The following MEAK7 variants were observed in gnomAD, a reference collection of about 807,000 sequenced individuals.
The protein encoded by MEAK7 is MTOR-associated protein MEAK7.
Under a neutral mutation model 40.5 loss-of-function variants are expected in MEAK7, and 68 were observed. That is an observed-to-expected ratio of 1.68 (90% CI 1.38 to 2.06). MEAK7 has a LOEUF of 2.06. MEAK7 is among the 30% of genes most tolerant of loss of function. The pLI is 0.00. For synonymous variants in MEAK7, 338 were observed against 231.9 expected, an observed-to-expected ratio of 1.46 and a Z score of -4.16; for missense variants, 918 against 580.5, an observed-to-expected ratio of 1.58 and a Z score of -5.98.
At chr16:84,503,512 G>T (rs1354313276) in intron 1 of MEAK7, among the ~76,000 whole-genome samples, 7 of 152,002 alleles carry the variant, frequency 4.6e-5, no homozygotes. Context: ...CCATTGCTGT[G>T]GTCCCTATAC....
In MEAK7 at chr16:84,479,421, G is replaced by GGGGGTCT. The variant is rs1567482452; in HGVS notation, c.*491_*492insAGACCCC. On this transcript the variant is annotated 3_prime_UTR_variant, in exon 8 of 8. Coordinates refer to ENST00000343629, the MANE Select transcript of MEAK7 (RefSeq NM_020947.4). ...GCCAGCGGAATTCCCTAATGCCAGC[G>GGGGGTCT]GAATTCCCTAATGCCAGCGGAATTC... 6 of 148,870 alleles carry GGGGGTCT rather than the reference G, an allele frequency of 4.0e-5. 1 individual carries two copies. Among genetic ancestry groups the GGGGGTCT allele is most frequent in the South Asian group, 2.2e-4 (1 of 4,608 alleles). The allele number at this position is 148,870 out of a possible 1,614,324, so 9.2% of individuals were successfully genotyped here. A position where few individuals can be genotyped will look rare whatever the true frequency, so the allele number is the denominator to read the frequency against.
rs1045057017 is a variant in MEAK7, at chr16:84,477,849, A to C, written c.*2064T>G. Reference sequence around the variant, plus strand: ...AAGAGAAGCCCACAGAGAGAGCTGCATCCCCCAGGCTCCCAAGCCCGGGCC... The same window carrying C: ...AAGAGAAGCCCACAGAGAGAGCTGCCTCCCCCAGGCTCCCAAGCCCGGGCC... On this transcript the variant is annotated 3_prime_UTR_variant, in exon 8 of 8. Transcript: ENST00000343629. The C allele has an allele frequency of 1.3e-5, 2 of 152,178 alleles. No individual in the cohort carries two copies. The highest frequency in any genetic ancestry group is 4.8e-5 in the African/African-American group (2 of 41,430). The allele number at this position is 152,178 out of a possible 1,614,324, so 9.4% of individuals were successfully genotyped here.
At chr16:84,500,613 G>A (rs538474745) in intron 1 of MEAK7, among the ~76,000 whole-genome samples, 3 of 152,262 alleles carry the variant, frequency 2.0e-5, no homozygotes, top group East Asian at 1.9e-4. Flanking sequence ...GGGCTTACCC[G>A]ACCCCGTTTG....
chr16:84,480,790 G>C (rs575649162), intron 6 of MEAK7, 82 bp from the exon 7 acceptor site: 1 of 1,462,022 alleles, frequency 6.8e-7, no homozygotes, highest in East Asian at 2.5e-5. Context: ...CCAGCCTCTC[G>C]CCTTAAGTAC....
intron 1 of MEAK7, among the ~76,000 whole-genome samples, chr16:84,501,614 G>C (rs1237029617): frequency 1.3e-5 from 2 of 152,136 alleles, no homozygotes; most frequent in Non-Finnish European, 2.9e-5. Context: ...GAAAGGCTTG[G>C]ACGCAGAGCC....
At chr16:84,487,102 A>C (rs1383380378) in intron 4 of MEAK7, 43 bp from the exon 5 acceptor site, 1 of 1,561,386 alleles carries the variant, frequency 6.4e-7, no homozygotes, top group African/African-American at 1.4e-5. Flanking sequence ...CTGTTATGTC[A>C]CCATTTAGCT....
At chr16:84,491,407 C>A (rs181075715) in intron 3 of MEAK7, among the ~76,000 whole-genome samples, 65,017 of 151,638 alleles carry the variant, frequency 0.43, 14,619 homozygotes, top group South Asian at 0.6. Context: ...GGTATGGTGA[C>A]ACACACCTGT....
rs1912118125 is a variant in MEAK7 at position 84,476,490 on chromosome 16, A to T, written c.*3423T>A. ...TCTAAATAAAAGGCATATACCTCTCAATCCAACAATTCCAATTCTAAGAGT... is the reference window on the plus strand; with the variant it reads ...TCTAAATAAAAGGCATATACCTCTCTATCCAACAATTCCAATTCTAAGAGT... On this transcript the variant is annotated 3_prime_UTR_variant, in exon 8 of 8. Coordinates refer to ENST00000343629, the MANE Select transcript of MEAK7 (RefSeq NM_020947.4). 6.6e-6 allele frequency: 1 copy of T among 152,128 alleles called. No individual in the cohort carries two copies. The highest frequency in any genetic ancestry group is 6.6e-5 in the Admixed American group (1 of 15,266). 9.4% of individuals were successfully genotyped at this position (152,128 alleles called of 1,614,324 possible). A position where few individuals can be genotyped will look rare whatever the true frequency, so the allele number is the denominator to read the frequency against.
At chr16:84,480,766 T>C in intron 6 of MEAK7, 58 bp from the exon 7 acceptor site, 1 of 1,521,344 alleles carries the variant, frequency 6.6e-7, no homozygotes, top group South Asian at 1.3e-5. Context: ...TCTGTGGACA[T>C]CAAATACCAC....
chr16:84,486,941 C>T lies in MEAK7; in HGVS notation c.648G>A (p.Lys216=). The T allele has an allele frequency of 6.2e-7, 1 of 1,614,174 alleles. No individual in the cohort carries two copies. Among genetic ancestry groups the T allele is most frequent in the Non-Finnish European group, 8.5e-7 (1 of 1,180,034 alleles). The change falls in exon 5 of 8, where the codon AAG becomes AAA. Residue 216 remains lysine, a synonymous_variant. Coordinates refer to ENST00000343629, the MANE Select transcript of MEAK7 (RefSeq NM_020947.4). ...VAIFLSVVIC[K]GFLILCSSLD... ...GAGACGAGCACAGGATGAGAAAGCCCTTGCAAATGACCACACTCAGGAATA... is the reference window on the plus strand; with the variant it reads ...GAGACGAGCACAGGATGAGAAAGCCTTTGCAAATGACCACACTCAGGAATA...
At chr16:84,501,556 G>A (rs380010) in intron 1 of MEAK7, among the ~76,000 whole-genome samples, 1 of 151,948 alleles carries the variant, frequency 6.6e-6, no homozygotes, top group African/African-American at 2.4e-5. Context: ...CAGGAACCCA[G>A]AAATGCACAG....
rs768124501 is a variant in MEAK7, at chr16:84,495,883, T to C, written c.184A>G (p.Met62Val). 3.1e-6 allele frequency: 5 copies of C among 1,614,032 alleles called. No homozygotes were observed. In the African/African-American group the frequency reaches 4.0e-5, roughly 13 times the overall value. The change falls in exon 3 of 8, where the codon ATG (methionine) becomes GTG (valine). Residue 62 changes from methionine to valine, a missense_variant. Transcript: ENST00000343629. Reference protein sequence around the residue: ...NHVGEALPPEMVTRLYDGMRR... With the variant: ...NHVGEALPPEVVTRLYDGMRR... ...ATGCCATCATACAGCCTGGTGACCATCTCTGGGGGAAGAGCTTCCCCGACG... is the reference window on the plus strand; with the variant it reads ...ATGCCATCATACAGCCTGGTGACCACCTCTGGGGGAAGAGCTTCCCCGACG...
At chr16:84,486,352 T>C in intron 5 of MEAK7, 1 of 917,906 alleles carries the variant, frequency 1.1e-6, no homozygotes, top group Non-Finnish European at 1.4e-6. Flanking sequence ...CGGAGGCATC[T>C]GTGGCTTGAC....
In MEAK7 at chr16:84,492,030, T is replaced by C. The variant is rs145409151; in HGVS notation, c.385-2608A>G. Among the ~76,000 whole-genome samples, 585 of 152,272 alleles carry C rather than the reference T, an allele frequency of 3.8e-3. 3 individuals are homozygous for C. Among genetic ancestry groups the C allele is most frequent in the Middle Eastern group, 0.01 (3 of 294 alleles). ...ACTGAAAACAATTAAAGCCTCATTT[T>C]GAGACCCAGGAAAAGATGGCAATCA... On this transcript the variant is annotated intron_variant, in intron 3 of 7. Transcript: ENST00000343629.
chr16:84,497,338 T>C, intron 2 of MEAK7: 1 of 1,132,606 alleles, frequency 8.8e-7, no homozygotes, highest in South Asian at 1.5e-5. Flanking sequence ...CAGTTTTAAC[T>C]CCCTGCAAGA....
At chr16:84,499,695 T>C (rs1914341696) in intron 1 of MEAK7, among the ~76,000 whole-genome samples, 1 of 152,172 alleles carries the variant, frequency 6.6e-6, no homozygotes, top group Non-Finnish European at 1.5e-5. Context: ...CCATCACCCG[T>C]CTACTTTCTG....
In MEAK7 at chr16:84,482,459, G is replaced by C. The variant is rs1433059330; in HGVS notation, c.1077+133C>G. ...CCAGCACCGGCCCTGGAAACAGAAGGAACTGGACATGGCGTGCGTGAGGAA... is the reference window on the plus strand; with the variant it reads ...CCAGCACCGGCCCTGGAAACAGAAGCAACTGGACATGGCGTGCGTGAGGAA... On this transcript the variant is annotated intron_variant, in intron 6 of 7. Transcript: ENST00000343629. The C allele has an allele frequency of 2.1e-6, 3 of 1,447,160 alleles. No homozygotes were observed. The East Asian group carries it at 7.0e-5, about 34-fold the overall frequency. The allele number at this position is 1,447,160 out of a possible 1,614,324, so 89.6% of individuals were successfully genotyped here.
chr16:84,504,192 C>A (rs376760), intron 1 of MEAK7: 971,903 of 983,000 alleles, frequency 0.99, 481,292 homozygotes, highest in East Asian at 1. Context: ...AGAAGGAAAA[C>A]CCCCTCCACA....
intron 1 of MEAK7, among the ~76,000 whole-genome samples, chr16:84,501,942 C>T (rs1054673286): frequency 5.9e-5 from 9 of 152,076 alleles, no homozygotes; most frequent in Non-Finnish European, 1.3e-4. Flanking sequence ...GTCGGGAGTT[C>T]GAGACTAGCT....
Sources: allele counts gnomAD v4.1 joint callset (sites outside exome capture counted in the v4.1 genomes callset), GRCh38; gene constraint gnomAD v4.1.1; transcripts MANE v1.5; gene names NCBI Gene and HGNC (gene_info 2026-07-23, HGNC 2026-07-21).